Variants in AKNAD1 observed in about 807,000 individuals in gnomAD.
The protein encoded by AKNAD1 is protein AKNAD1.
In AKNAD1, 67 loss-of-function variants were observed where a neutral mutation model predicts 90.8. The ratio of observed to expected loss-of-function variants is 0.74; its 90% CI spans 0.61 to 0.90. The LOEUF is 0.90. Among genes scored for constraint, AKNAD1 ranks in the 40% least tolerant of loss-of-function variants. AKNAD1 has a pLI of 0.00. For synonymous variants in AKNAD1, 327 were observed against 341.4 expected (o/e 0.96, Z 0.46); for missense variants, 957 against 975.4 (o/e 0.98, Z 0.25).
In AKNAD1 at chr1:108,824,630, T is replaced by A. The variant is rs186351722; in HGVS notation, c.1937-942A>T. On this transcript the variant is annotated intron_variant, in intron 11 of 15. Coordinates refer to ENST00000370001, the MANE Select transcript of AKNAD1 (RefSeq NM_152763.5). ...TTTAACGTGCTATTTTTATTTTTTT[T>A]GAGCCAAGGTTTCATTCTGTTGCTC... Among the ~76,000 whole-genome samples the A allele has an allele frequency of 1.1e-4, 16 of 151,864 alleles. No homozygotes were observed. The East Asian group carries it at 2.6e-3, about 24-fold the overall frequency.
At chr1:108,816,646 G>C (rs1320550482) in intron 15 of AKNAD1, among the ~76,000 whole-genome samples, 1 of 152,198 alleles carries the variant, frequency 6.6e-6, no homozygotes, top group Non-Finnish European at 1.5e-5. Context: ...TAACCACTGA[G>C]AGGGTATTCA....
At chr1:108,816,731 T>C in intron 15 of AKNAD1, 1 of 297,174 alleles carries the variant, frequency 3.4e-6, no homozygotes, top group Non-Finnish European at 6.3e-6. Context: ...AATAGGAAAC[T>C]GTTGGCAACT....
intron 13 of AKNAD1, 123 bp downstream of exon 13, chr1:108,823,247 G>A: frequency 1.2e-6 from 1 of 802,782 alleles, no homozygotes; most frequent in Non-Finnish European, 2.2e-6. Flanking sequence ...CACAAGACCT[G>A]GGCAGCAAAA....
intron 9 of AKNAD1, 37 bp from the exon 10 acceptor site, chr1:108,830,687 G>A (rs1387716236): frequency 6.2e-7 from 1 of 1,604,448 alleles, no homozygotes; most frequent in South Asian, 1.1e-5. Flanking sequence ...ATGTGATAGA[G>A]GATGTGACTC....
intron 14 of AKNAD1, among the ~76,000 whole-genome samples, chr1:108,819,701 C>A (rs772551328): frequency 4.0e-5 from 6 of 151,492 alleles, no homozygotes; most frequent in Non-Finnish European, 7.4e-5. Flanking sequence ...CACTTGAGGT[C>A]AGGAGTTTGA....
rs1392722412 is a variant in AKNAD1, at chr1:108,851,839, T to C, written c.826A>G (p.Ile276Val). The C allele has an allele frequency of 6.2e-7, 1 of 1,613,742 alleles. No individual in the cohort carries two copies. The highest frequency in any genetic ancestry group is 2.2e-5 in the East Asian group (1 of 44,886). ...TTAGCTATTGCAAGTGGTTTATTAATTATCTTATTTTTAGGAATTTTCACT... is the reference window on the plus strand; with the variant it reads ...TTAGCTATTGCAAGTGGTTTATTAACTATCTTATTTTTAGGAATTTTCACT... ...PKVKIPKNKI[I>V]NKPLAIAKQA... The change falls in exon 2 of 16, where the codon ATT (isoleucine) becomes GTT (valine). Residue 276 changes from isoleucine (I) to valine (V), a missense_variant. Transcript: ENST00000370001.
intron 5 of AKNAD1, among the ~76,000 whole-genome samples, chr1:108,845,603 T>C (rs925444230): frequency 2.6e-5 from 4 of 152,224 alleles, no homozygotes; most frequent in Non-Finnish European, 5.9e-5. Context: ...CTCTCCTCCG[T>C]TGCCCCATTT....
chr1:108,852,650 A>C lies in AKNAD1; in HGVS notation c.15T>G (p.Asp5Glu), dbSNP rs762944167. MDEA[D>E]FSEHTTYKQE... is the part of the protein sequence containing the mutation. ...GCTTATAAGTCGTGTGTTCTGAAAA[A>C]TCAGCCTCATCCATGTGTGTGCAGC... The change falls in exon 2 of 16, where the codon GAT becomes GAG. Residue 5 changes from aspartate to glutamate, a missense_variant. By Grantham distance (45) the Asp-to-Glu change is conservative. Transcript: ENST00000370001. 2 of 1,582,074 alleles carry C rather than the reference A, an allele frequency of 1.3e-6. No homozygotes were observed. Among genetic ancestry groups the C allele is most frequent in the Non-Finnish European group, 1.7e-6 (2 of 1,165,714 alleles).
intron 1 of AKNAD1, among the ~76,000 whole-genome samples, chr1:108,853,773 A>G (rs1191011307): frequency 6.6e-6 from 1 of 151,888 alleles, no homozygotes; most frequent in Non-Finnish European, 1.5e-5. Flanking sequence ...CATCTGTACT[A>G]AAAATACAAA....
Position 108,830,628 on chromosome 1 carries a change from C to T in AKNAD1, c.1769G>A (p.Arg590Lys), listed in dbSNP as rs376307747. The change falls in exon 10 of 16, where the codon AGA becomes AAA. Residue 590 changes from arginine to lysine, a missense_variant. Transcript: ENST00000370001. ...NSGEDPNGTP[R>K]RQDCAEMTAP... ...CGTCATCTCTGCACAATCCTGCCTT[C>T]TTGGAGTGCCGTTGGGATCCTCCTG... 6.2e-7 allele frequency: 1 copy of T among 1,614,164 alleles called. No individual in the cohort carries two copies. Among genetic ancestry groups the T allele is most frequent in the East Asian group, 2.2e-5 (1 of 44,874 alleles).
At chr1:108,822,488 T>C (rs1663848876) in intron 13 of AKNAD1, among the ~76,000 whole-genome samples, 1 of 152,166 alleles carries the variant, frequency 6.6e-6, no homozygotes, top group South Asian at 2.1e-4. Flanking sequence ...TCTTAGTGAC[T>C]GTCACTTCAA....
chr1:108,843,424 C>G (rs1017419346), intron 5 of AKNAD1, 157 bp from the exon 6 acceptor site: 3 of 881,620 alleles, frequency 3.4e-6, no homozygotes, highest in African/African-American at 1.7e-5. Flanking sequence ...AGTCTGACAT[C>G]TAAACTACAG....
chr1:108,817,053 A>C lies in AKNAD1; in HGVS notation c.2374T>G (p.Ser792Ala), dbSNP rs778804308. Residue 792 changes from serine (S) to alanine (A), a missense_variant, in exon 15 of 16, where the codon TCT becomes GCT. By Grantham distance (99) the Ser-to-Ala change is moderately conservative (BLOSUM62 1). Coordinates refer to ENST00000370001, the MANE Select transcript of AKNAD1 (RefSeq NM_152763.5). Reference protein sequence around the residue: ...CDFDSTEEIKSEILNSALDHA... With the variant: ...CDFDSTEEIKAEILNSALDHA... ...ATGATTTTCTAAGTCCTCACCTCAG[A>C]TTTTATTTCTTCAGTGCTATCAAAG... 2.5e-6 allele frequency: 4 copies of C among 1,613,842 alleles called. No individual in the cohort carries two copies. In the South Asian group the frequency reaches 4.4e-5, roughly 18 times the overall value.
intron 6 of AKNAD1, among the ~76,000 whole-genome samples, chr1:108,838,386 G>T (rs987077072): frequency 6.6e-6 from 1 of 150,860 alleles, no homozygotes; most frequent in Non-Finnish European, 1.5e-5. Context: ...GGATTAAGTA[G>T]GAAATAAAAA....
At chr1:108,853,935 C>G (rs1248638005) in intron 1 of AKNAD1, among the ~76,000 whole-genome samples, 2 of 11,250 alleles carry the variant, frequency 1.8e-4, no homozygotes, top group East Asian at 5.3e-3. Flanking sequence ...GACCCCGTCT[C>G]AAAAAAAGAA....
chr1:108,843,090 T>A (rs1475004197), intron 6 of AKNAD1, 44 bp downstream of exon 6: 7 of 1,597,740 alleles, frequency 4.4e-6, no homozygotes, highest in Non-Finnish European at 6.0e-6. Flanking sequence ...CTGAAGGAGA[T>A]CACCTTTGAC....
intron 6 of AKNAD1, among the ~76,000 whole-genome samples, chr1:108,840,054 T>G (rs1218629628): frequency 6.6e-6 from 1 of 151,794 alleles, no homozygotes; most frequent in African/African-American, 2.4e-5. Flanking sequence ...TCACTAATAT[T>G]AATTATCCAA....
intron 8 of AKNAD1, 46 bp from the exon 9 acceptor site, chr1:108,834,574 T>C: frequency 6.6e-7 from 1 of 1,513,922 alleles, no homozygotes; most frequent in Non-Finnish European, 8.9e-7. Context: ...GAATCAGTTC[T>C]TGAGCTACCT....
At position 108,849,576 on chromosome 1, in the gene AKNAD1, T is replaced by A. The variant is rs1664792060; in HGVS notation, c.994A>T (p.Met332Leu). 6.3e-7 allele frequency: 1 copy of A among 1,595,886 alleles called. No homozygotes were observed. The highest frequency in any genetic ancestry group is 8.6e-7 in the Non-Finnish European group (1 of 1,163,498). ...TGGTGGATATGTACTATGGGCTCCA[T>A]CTGCACAATTAAAGGGTAAGAAAAC... ...KITEPSQQIQMEPIVHIHQEL... is the reference protein window; with the variant it reads ...KITEPSQQIQLEPIVHIHQEL... The change falls in exon 3 of 16, where the codon ATG becomes TTG. Residue 332 changes from methionine to leucine, a missense_variant and splice_region_variant. By Grantham distance (15) the Met-to-Leu change is conservative. Transcript: ENST00000370001.
Sources: allele counts gnomAD v4.1 joint callset (sites outside exome capture counted in the v4.1 genomes callset), GRCh38; gene constraint gnomAD v4.1.1; transcripts MANE v1.5; gene names NCBI Gene and HGNC (gene_info 2026-07-23, HGNC 2026-07-21).